COL4A2: variants seen among roughly 807,000 people sequenced by gnomAD.
COL4A2 encodes collagen alpha-2(IV) chain.
A neutral mutation model predicts 200.2 loss-of-function variants in COL4A2; 99 were observed. The observed-to-expected ratio is 0.49, with a 90% CI of 0.42 to 0.58. The LOEUF is 0.58. COL4A2 is among the 20% of genes least tolerant of loss of function. COL4A2 has a pLI of 0.00. For synonymous variants in COL4A2, 897 were observed against 900.6 expected (o/e 1.00, Z 0.07); for missense variants, 1,950 against 2,314.1 (o/e 0.84, Z 3.23).
chr13:110,315,733 G>C (rs558755558), intron 3 of COL4A2, among the ~76,000 whole-genome samples: 1 of 152,286 alleles, frequency 6.6e-6, no homozygotes, highest in African/African-American at 2.4e-5. Flanking sequence ...GTCTTCTTTA[G>C]CTGACATTGC....
chr13:110,408,712 T>C (rs4771677), intron 4 of COL4A2, among the ~76,000 whole-genome samples: 150,567 of 152,094 alleles, frequency 0.99, 74,540 homozygotes, highest in East Asian at 1. Context: ...TCCTGCCTGG[T>C]GGAACAGCAC....
chr13:110,411,903 T>C (rs754572124), intron 4 of COL4A2, among the ~76,000 whole-genome samples: 3 of 152,280 alleles, frequency 2.0e-5, no homozygotes, highest in South Asian at 4.1e-4. Flanking sequence ...TTCCTCACCA[T>C]AAAATGGGTA....
At chr13:110,444,568 G>T (rs1022514350) in intron 16 of COL4A2, among the ~76,000 whole-genome samples, 1 of 152,224 alleles carries the variant, frequency 6.6e-6, no homozygotes. Context: ...ACAAAGTGAA[G>T]CCCGTCTCAA....
rs1159318032 is a variant in COL4A2, at chr13:110,474,725, G to C, written c.2425+1575G>C. ...TGTGTACACTCACATGATCACACAC[G>C]CACGTACCCACACACGTGCCGTGCA... On this transcript the variant is annotated intron_variant, in intron 29 of 47. Coordinates refer to ENST00000360467, the MANE Select transcript of COL4A2 (RefSeq NM_001846.4). 1.9e-5 allele frequency among the ~76,000 whole-genome samples: 2 copies of C among 106,002 alleles called. 1 individual carries two copies. 69.5% of individuals were successfully genotyped at this position (106,002 alleles called of 152,430 possible). A position where few individuals can be genotyped will look rare whatever the true frequency, so the allele number is the denominator to read the frequency against.
chr13:110,436,231 C>T (rs751887430), intron 12 of COL4A2, 38 bp from the exon 13 acceptor site: 37 of 1,611,646 alleles, frequency 2.3e-5, no homozygotes, highest in South Asian at 6.6e-5. Flanking sequence ...AGTTTCCTTT[C>T]GATTTAAAGA....
intron 4 of COL4A2, among the ~76,000 whole-genome samples, chr13:110,391,871 T>A (rs951147964): frequency 7.9e-5 from 12 of 152,210 alleles, no homozygotes; most frequent in African/African-American, 2.9e-4. Flanking sequence ...TCTCTTCAGT[T>A]TGCTCTGAAA....
In COL4A2 at chr13:110,449,605, A is replaced by G. The variant is rs75082326; in HGVS notation, c.1079-74A>G. The G allele has an allele frequency of 0.34, 477,037 of 1,391,932 alleles. 85,775 individuals are homozygous for G. Among genetic ancestry groups the G allele is most frequent in the Non-Finnish European group, 0.37 (379,984 of 1,032,562 alleles). The allele number at this position is 1,391,932 out of a possible 1,614,324, so 86.2% of individuals were successfully genotyped here. A position where few individuals can be genotyped will look rare whatever the true frequency, so the allele number is the denominator to read the frequency against. On this transcript the variant is annotated intron_variant, in intron 18 of 47. Transcript: ENST00000360467. Reference sequence around the variant, plus strand: ...GGAGCATTTGGTAAATATGTAGTCAATGAAAAAGTGAACGCCAGCTGCGAT... The same window carrying G: ...GGAGCATTTGGTAAATATGTAGTCAGTGAAAAAGTGAACGCCAGCTGCGAT...
intron 3 of COL4A2, among the ~76,000 whole-genome samples, chr13:110,343,474 C>T (rs148317448): frequency 0.011 from 1,711 of 152,258 alleles, 19 homozygotes; most frequent in East Asian, 0.046. Context: ...AGCTGCCAGG[C>T]GTGATTCACT....
intron 45 of COL4A2, among the ~76,000 whole-genome samples, chr13:110,504,627 A>G (rs1227426776): frequency 1.3e-5 from 2 of 152,148 alleles, no homozygotes; most frequent in Non-Finnish European, 2.9e-5. Context: ...TTTTTTGGAC[A>G]GAGTCTCGCT....
At chr13:110,427,081 T>C (rs927494952) in intron 6 of COL4A2, among the ~76,000 whole-genome samples, 1 of 152,226 alleles carries the variant, frequency 6.6e-6, no homozygotes, top group African/African-American at 2.4e-5. Flanking sequence ...TTTTATTTTA[T>C]TTCTTAATAT....
At chr13:110,489,340 T>G in intron 34 of COL4A2, 105 bp from the exon 35 acceptor site, 1 of 1,105,770 alleles carries the variant, frequency 9.0e-7, no homozygotes, top group Non-Finnish European at 1.4e-6. Flanking sequence ...TCACAAACCT[T>G]GAGTATTGTC....
At chr13:110,436,496 G>T (rs1880891723) in intron 13 of COL4A2, 129 bp downstream of exon 13, 2 of 1,262,634 alleles carry the variant, frequency 1.6e-6, no homozygotes, top group East Asian at 2.6e-5. Context: ...CATTACCCAT[G>T]AAAACATAAC....
rs1296212323 is a variant in COL4A2, at chr13:110,495,362, C to G, written c.3655C>G (p.Pro1219Ala). 6.2e-7 allele frequency: 1 copy of G among 1,614,118 alleles called. No homozygotes were observed. Among genetic ancestry groups the G allele is most frequent in the African/African-American group, 1.3e-5 (1 of 75,032 alleles). The change falls in exon 40 of 48, where the codon CCA becomes GCA. Residue 1219 changes from proline (P) to alanine (A), a missense_variant. By Grantham distance (27) the Pro-to-Ala change is conservative. Around this residue, in one of 2 missense-constraint regions of COL4A2, gnomAD observed 1,385 missense variants for 1,720.5 expected, o/e 0.80. Transcript: ENST00000360467. ...GSPGSDIHGD[P>A]GFPGPPGERG... ...CACAGGTTCTGACATCCACGGAGACCCAGGCTTCCCAGGCCCTCCTGGGGA... is the reference window on the plus strand; with the variant it reads ...CACAGGTTCTGACATCCACGGAGACGCAGGCTTCCCAGGCCCTCCTGGGGA...
At chr13:110,393,614 C>T (rs1337713482) in intron 4 of COL4A2, among the ~76,000 whole-genome samples, 1 of 150,714 alleles carries the variant, frequency 6.6e-6, no homozygotes, top group Non-Finnish European at 1.5e-5. Context: ...CCCGGTGGCT[C>T]ACACCTGTAA....
At chr13:110,376,949 G>T (rs1878262425) in intron 4 of COL4A2, among the ~76,000 whole-genome samples, 1 of 152,190 alleles carries the variant, frequency 6.6e-6, no homozygotes, top group Non-Finnish European at 1.5e-5. Flanking sequence ...TATCTTTCTT[G>T]CTGAGATATG....
intron 4 of COL4A2, among the ~76,000 whole-genome samples, chr13:110,413,142 T>A (rs568073556): frequency 1.3e-5 from 2 of 151,994 alleles, no homozygotes; most frequent in African/African-American, 4.8e-5. Flanking sequence ...GCATCAGAAA[T>A]TGGGAAGTCA....
At chr13:110,387,853 C>G (rs1878823899) in intron 4 of COL4A2, among the ~76,000 whole-genome samples, 2 of 152,214 alleles carry the variant, frequency 1.3e-5, no homozygotes, top group South Asian at 4.1e-4. Flanking sequence ...CTGCGGAGCT[C>G]TGACCTGCCC....
At chr13:110,433,655 C>A (rs943501384) in intron 11 of COL4A2, among the ~76,000 whole-genome samples, 1 of 152,228 alleles carries the variant, frequency 6.6e-6, no homozygotes, top group East Asian at 1.9e-4. Flanking sequence ...TGTGACCCCG[C>A]TGTCACTGTG....
intron 12 of COL4A2, among the ~76,000 whole-genome samples, chr13:110,435,416 T>A (rs1021863155): frequency 2.0e-5 from 3 of 152,226 alleles, no homozygotes; most frequent in African/African-American, 2.4e-5. Context: ...AAAGGACTTA[T>A]GCAAATAATG....
Sources: allele counts gnomAD v4.1 joint callset (sites outside exome capture counted in the v4.1 genomes callset), GRCh38; gene constraint gnomAD v4.1.1; regional missense constraint gnomAD v4.1.1; transcripts MANE v1.5; gene names NCBI Gene and HGNC (gene_info 2026-07-23, HGNC 2026-07-21).